Variants in ARHGEF12 observed in about 807,000 individuals in gnomAD.
ARHGEF12 encodes Rho guanine nucleotide exchange factor 12, also known as KMT2A/ARHGEF12 fusion protein.
In ARHGEF12, 66 loss-of-function variants were observed where a neutral mutation model predicts 211.2. That is an observed-to-expected ratio of 0.31 (90% confidence interval 0.26 to 0.38). The LOEUF (loss-of-function observed/expected upper bound fraction) is 0.38. Among genes scored for constraint, ARHGEF12 ranks in the 10% least tolerant of loss-of-function variants. ARHGEF12 has a pLI of 1.00. For missense variants in ARHGEF12, 1,429 were observed against 1,869.5 expected, an observed-to-expected ratio of 0.76 and a Z score of 4.34; for synonymous variants, 592 against 638.4, an observed-to-expected ratio of 0.93 and a Z score of 1.09.
At chr11:120,392,808 G>C (rs1470994846) in intron 1 of ARHGEF12, among the ~76,000 whole-genome samples, 5 of 152,168 alleles carry the variant, frequency 3.3e-5, no homozygotes, top group Non-Finnish European at 5.9e-5. Context: ...ATTCTCTCAA[G>C]AATAAGGAAA....
At chr11:120,422,950 A>C (rs1248958161) in intron 6 of ARHGEF12, among the ~76,000 whole-genome samples, 2 of 152,200 alleles carry the variant, frequency 1.3e-5, no homozygotes, top group African/African-American at 4.8e-5. Context: ...TGATTACTTA[A>C]AATCAAATTA....
At chr11:120,347,096 C>A (rs951570417) in intron 1 of ARHGEF12, among the ~76,000 whole-genome samples, 1 of 152,032 alleles carries the variant, frequency 6.6e-6, no homozygotes, top group African/African-American at 2.4e-5. Flanking sequence ...CAACAGAATG[C>A]CATCTACTTT....
chr11:120,338,344 C>T (rs1378969275), intron 1 of ARHGEF12, among the ~76,000 whole-genome samples: 1 of 152,124 alleles, frequency 6.6e-6, no homozygotes, highest in Non-Finnish European at 1.5e-5. Context: ...GAGTTTTACC[C>T]AATTGTAAGA....
chr11:120,445,377 A>G (rs377758526), intron 15 of ARHGEF12, 45 bp from the exon 16 acceptor site: 183 of 1,604,740 alleles, frequency 1.1e-4, no homozygotes, highest in African/African-American at 3.7e-4. Flanking sequence ...TACATCTTCA[A>G]ATATCTTTAG....
At chr11:120,407,589 T>C (rs917976171) in intron 2 of ARHGEF12, 149 bp from the exon 3 acceptor site, 11 of 550,406 alleles carry the variant, frequency 2.0e-5, no homozygotes, top group Non-Finnish European at 3.5e-5. Context: ...CCAAAACTTA[T>C]TGAAAAATGT....
At position 120,485,082 on chromosome 11, in the gene ARHGEF12, G is replaced by T. The variant is rs9625; in HGVS notation, c.*5G>T. Reference sequence around the variant, plus strand: ...TTCTTCTCAGATAAAAGTTAGAGCCGCATGTCCTGGAGGTGACTGCAGGTT... The same window carrying T: ...TTCTTCTCAGATAAAAGTTAGAGCCTCATGTCCTGGAGGTGACTGCAGGTT... On this transcript the variant is annotated 3_prime_UTR_variant, in exon 41 of 41. Coordinates refer to ENST00000397843, the MANE Select transcript of ARHGEF12 (RefSeq NM_015313.3). The T allele has an allele frequency of 0.2, 322,002 of 1,610,130 alleles. 35,298 individuals carry two copies. The highest frequency in any genetic ancestry group is 0.22 in the Non-Finnish European group (264,602 of 1,176,942).
chr11:120,339,651 T>C (rs1360992547), intron 1 of ARHGEF12, among the ~76,000 whole-genome samples: 1 of 152,256 alleles, frequency 6.6e-6, no homozygotes, highest in Admixed American at 6.5e-5. Flanking sequence ...TGCTTCTGAC[T>C]ACAGAGTCTG....
At chr11:120,362,897 G>A (rs1410065390) in intron 1 of ARHGEF12, among the ~76,000 whole-genome samples, 1 of 152,002 alleles carries the variant, frequency 6.6e-6, no homozygotes, top group Non-Finnish European at 1.5e-5. Flanking sequence ...TCAGGAGATC[G>A]AGACCATCCT....
At chr11:120,359,299 A>G (rs1247852596) in intron 1 of ARHGEF12, among the ~76,000 whole-genome samples, 1 of 152,122 alleles carries the variant, frequency 6.6e-6, no homozygotes, top group Admixed American at 6.6e-5. Context: ...ATCATGGCTC[A>G]CTGCAGCCTG....
chr11:120,360,132 A>G (rs1943239592), intron 1 of ARHGEF12, among the ~76,000 whole-genome samples: 1 of 152,140 alleles, frequency 6.6e-6, no homozygotes. Context: ...AGAGATATGG[A>G]TACTAAAGTG....
intron 14 of ARHGEF12, 136 bp from the exon 15 acceptor site, chr11:120,441,968 G>A (rs749946142): frequency 2.3e-5 from 20 of 888,592 alleles, no homozygotes; most frequent in Middle Eastern, 4.5e-4. Context: ...TATTTTTAAA[G>A]ACTTGGTTAT....
chr11:120,447,875 A>G lies in ARHGEF12; in HGVS notation c.1591A>G (p.Met531Val). 2 of 1,562,060 alleles carry G rather than the reference A, an allele frequency of 1.3e-6. No homozygotes were observed. The highest frequency in any genetic ancestry group is 2.3e-5 in the East Asian group (1 of 43,404). ...AAATTTTTTTTTCTTTTTTTTAAGG[A>G]TGACTGCTCAGGCTGTAGAGGAAGA... ...QIVAKIEEVL[M>V]TAQAVEEDKS... Residue 531 changes from methionine to valine, a missense_variant and splice_region_variant, in exon 19 of 41, where the codon ATG (methionine) becomes GTG (valine). This residue lies in a region of ARHGEF12 where 373 missense variants were observed against 467.5 expected (regional missense o/e 0.80). Coordinates refer to ENST00000397843, the MANE Select transcript of ARHGEF12 (RefSeq NM_015313.3).
chr11:120,381,639 T>C (rs1311170467), intron 1 of ARHGEF12, among the ~76,000 whole-genome samples: 1 of 152,208 alleles, frequency 6.6e-6, no homozygotes, highest in Non-Finnish European at 1.5e-5. Flanking sequence ...TCTGACGTTT[T>C]GGTTGATGTT....
chr11:120,472,601 C>G lies in ARHGEF12; in HGVS notation c.2956-449C>G, dbSNP rs142467594. Among the ~76,000 whole-genome samples, 1,190 of 151,642 alleles carry G rather than the reference C, an allele frequency of 7.8e-3. 7 individuals are homozygous for G. Among genetic ancestry groups the G allele is most frequent in the Non-Finnish European group, 0.013 (907 of 67,918 alleles). ...GGAGAGTATATTATCACCAAAGCCA[C>G]GGGAAGAGAGTGAGTTTTCAGTCCT... is the stretch of plus-strand genomic sequence containing the variant. On this transcript the variant is annotated intron_variant, in intron 30 of 40. Transcript: ENST00000397843.
intron 34 of ARHGEF12, 191 bp downstream of exon 34, chr11:120,476,939 G>A (rs575625399): frequency 3.4e-5 from 20 of 593,746 alleles, no homozygotes; most frequent in African/African-American, 2.6e-4. Flanking sequence ...TATTCTGAAA[G>A]TTTATTTCCT....
intron 30 of ARHGEF12, 83 bp from the exon 31 acceptor site, chr11:120,472,967 T>G: frequency 7.2e-7 from 1 of 1,388,206 alleles, no homozygotes; most frequent in Non-Finnish European, 1.0e-6. Context: ...AATGGAGATT[T>G]TAAATGCCAA....
At chr11:120,481,191 C>A in intron 38 of ARHGEF12, 69 bp from the exon 39 acceptor site, 1 of 1,421,320 alleles carries the variant, frequency 7.0e-7, no homozygotes, top group Non-Finnish European at 9.8e-7. Context: ...AAGTTGTCAG[C>A]ACACTATGCT....
chr11:120,354,210 C>G (rs551061164), intron 1 of ARHGEF12, among the ~76,000 whole-genome samples: 1 of 152,104 alleles, frequency 6.6e-6, no homozygotes, highest in Non-Finnish European at 1.5e-5. Context: ...AACCTGTAAT[C>G]CCAGTCGGCC....
rs186716581 is a variant in ARHGEF12, at chr11:120,382,879, G to A, written c.33-23239G>A. On this transcript the variant is annotated intron_variant, in intron 1 of 40. Coordinates refer to ENST00000397843, the MANE Select transcript of ARHGEF12 (RefSeq NM_015313.3). ...AAGGGGGCCGGGCGAGGCGGTTCAC[G>A]CCTGTAATCCCAGCACTTTGGGGGC... Among the ~76,000 whole-genome samples, 39 of 152,314 alleles carry A rather than the reference G, an allele frequency of 2.6e-4. No individual in the cohort carries two copies. The East Asian group carries it at 5.4e-3, about 21-fold the overall frequency.
Sources: allele counts gnomAD v4.1 joint callset (sites outside exome capture counted in the v4.1 genomes callset), GRCh38; gene constraint gnomAD v4.1.1; regional missense constraint gnomAD v4.1.1; transcripts MANE v1.5; gene names NCBI Gene and HGNC (gene_info 2026-07-23, HGNC 2026-07-21).